RAB11FIP3: variants seen among roughly 807,000 people sequenced by gnomAD.
The protein encoded by RAB11FIP3 is rab11 family-interacting protein 3.
In RAB11FIP3, 17 loss-of-function variants were observed where a neutral mutation model predicts 77.8. The ratio of observed to expected loss-of-function variants is 0.22; its 90% CI spans 0.15 to 0.33. RAB11FIP3 has a LOEUF of 0.33. RAB11FIP3 is among the 10% of genes least tolerant of loss of function. The pLI is 1.00. For missense variants in RAB11FIP3, 1,005 were observed against 1,011.2 expected, an observed-to-expected ratio of 0.99 and a Z score of 0.08; for synonymous variants, 437 against 448.2, an observed-to-expected ratio of 0.98 and a Z score of 0.31.
At chr16:443,450 T>G (rs1335603109) in intron 1 of RAB11FIP3, among the ~76,000 whole-genome samples, 1 of 152,212 alleles carries the variant, frequency 6.6e-6, no homozygotes, top group African/African-American at 2.4e-5. Flanking sequence ...TTTCTTTGTA[T>G]AGGACAGTTA....
At chr16:503,964 GTACCCCCTCACCACCTCCT>G (rs2031673982) in intron 7 of RAB11FIP3, among the ~76,000 whole-genome samples, 1 of 29,848 alleles carries the variant, frequency 3.4e-5, no homozygotes, top group Non-Finnish European at 5.1e-5. Context: ...ATCTCCTCCT[GTACCCCCTCACCACCTCCT>G]GTACCCCCTC....
chr16:492,437 C>G (rs865941057), intron 5 of RAB11FIP3, among the ~76,000 whole-genome samples: 1 of 142,574 alleles, frequency 7.0e-6, no homozygotes, highest in Non-Finnish European at 1.6e-5. Flanking sequence ...CCGGGAGACC[C>G]GAGGCCGCCC....
intron 4 of RAB11FIP3, among the ~76,000 whole-genome samples, chr16:487,131 CTTT>C (rs34597208): frequency 2.2e-5 from 3 of 134,514 alleles, no homozygotes; most frequent in Admixed American, 7.5e-5. Flanking sequence ...GTTTTGGTTT[CTTT>C]TTTTTTTTTT....
At chr16:429,641 CG>C (rs1235901732) in intron 1 of RAB11FIP3, among the ~76,000 whole-genome samples, 1 of 151,786 alleles carries the variant, frequency 6.6e-6, no homozygotes, top group Non-Finnish European at 1.5e-5. Flanking sequence ...CTGGGATTAC[CG>C]GTGCCCGTCA....
intron 1 of RAB11FIP3, chr16:451,679 C>CA (rs1387417624): frequency 6.6e-6 from 1 of 151,752 alleles, no homozygotes; most frequent in African/African-American, 2.4e-5. Context: ...ACTAAAAATA[C>CA]AAAAAATTAG....
At chr16:492,563 G>A (rs146003578) in intron 5 of RAB11FIP3, among the ~76,000 whole-genome samples, 12 of 142,446 alleles carry the variant, frequency 8.4e-5, no homozygotes, top group East Asian at 4.0e-4. Flanking sequence ...CCAAAGATCC[G>A]CTAACCTCTG....
At chr16:494,399 G>T (rs1369352450) in intron 5 of RAB11FIP3, among the ~76,000 whole-genome samples, 1 of 151,624 alleles carries the variant, frequency 6.6e-6, no homozygotes, top group East Asian at 2.0e-4. Flanking sequence ...GAGGTGGGCA[G>T]ATCACGAGGT....
At chr16:442,509 C>T (rs1331095605) in intron 1 of RAB11FIP3, among the ~76,000 whole-genome samples, 1 of 152,192 alleles carries the variant, frequency 6.6e-6, no homozygotes, top group Admixed American at 6.5e-5. Flanking sequence ...TCTGGTCTTC[C>T]TCCCGCTCAG....
intron 1 of RAB11FIP3, among the ~76,000 whole-genome samples, chr16:448,228 A>G (rs1014693004): frequency 2.0e-5 from 3 of 150,918 alleles, no homozygotes; most frequent in African/African-American, 7.3e-5. Context: ...GAGGCAGGAG[A>G]ATCACTTGAA....
chr16:502,826 G>A (rs2031605976), intron 6 of RAB11FIP3, 178 bp from the exon 7 acceptor site: 4 of 611,216 alleles, frequency 6.5e-6, no homozygotes, highest in Non-Finnish European at 8.6e-6. Flanking sequence ...TCCAGCCTGG[G>A]ACCTCCCCCT....
In RAB11FIP3 at chr16:425,998, C is replaced by T. The variant is rs1260072456; in HGVS notation, c.-9C>T. The T allele has an allele frequency of 2.0e-6, 2 of 982,484 alleles. No individual in the cohort carries two copies. Among genetic ancestry groups the T allele is most frequent in the Non-Finnish European group, 1.2e-6 (1 of 827,522 alleles). 60.9% of individuals were successfully genotyped at this position (982,484 alleles called of 1,614,324 possible). On this transcript the variant is annotated 5_prime_UTR_variant, in exon 1 of 14. Coordinates refer to ENST00000262305, the MANE Select transcript of RAB11FIP3 (RefSeq NM_014700.4). Reference sequence around the variant, plus strand: ...CCGCGCCCTTCCGCACCACTAGCCTCTCGGGAGCATGGCGTCGGCCCCGCC... The same window carrying T: ...CCGCGCCCTTCCGCACCACTAGCCTTTCGGGAGCATGGCGTCGGCCCCGCC...
intron 4 of RAB11FIP3, 131 bp downstream of exon 4, chr16:482,867 G>A: frequency 1.0e-6 from 1 of 991,718 alleles, no homozygotes; most frequent in Non-Finnish European, 1.5e-6. Context: ...GTGGGGCTTG[G>A]CCCTGCAGTA....
intron 1 of RAB11FIP3, among the ~76,000 whole-genome samples, chr16:433,028 C>CTT (rs920883186): frequency 7.6e-4 from 31 of 40,864 alleles, no homozygotes; most frequent in Non-Finnish European, 1.0e-3. Context: ...CCATATTTAT[C>CTT]TTTTTTTTTT....
chr16:436,503 A>G (rs540126393), intron 1 of RAB11FIP3, among the ~76,000 whole-genome samples: 1 of 151,856 alleles, frequency 6.6e-6, no homozygotes, highest in South Asian at 2.1e-4. Context: ...TATTTTTGAG[A>G]CAGGGTTTGG....
chr16:519,689 C>A, intron 10 of RAB11FIP3, 65 bp from the exon 11 acceptor site: 1 of 1,568,782 alleles, frequency 6.4e-7, no homozygotes, highest in Admixed American at 1.8e-5. Context: ...GACAGACGGC[C>A]GGGGCAAGCT....
intron 2 of RAB11FIP3, among the ~76,000 whole-genome samples, chr16:468,384 T>C (rs1032638328): frequency 6.6e-6 from 1 of 151,726 alleles, no homozygotes; most frequent in African/African-American, 2.4e-5. Context: ...TGCTTTACTT[T>C]TGAGTAATTT....
rs980069344 is a variant in RAB11FIP3 at position 461,060 on chromosome 16, G to C, written c.715-344G>C. ...GCGGCCCGCAGCCTTCTTGGCACCA[G>C]GGATTGGTTTCATAGAAGACGCCTT... On this transcript the variant is annotated intron_variant, in intron 1 of 13. Coordinates refer to ENST00000262305, the MANE Select transcript of RAB11FIP3 (RefSeq NM_014700.4). This position sits in a 1 kb window ranked among gnomAD's most constrained non-coding sequence, Gnocchi z 4.5. Among the ~76,000 whole-genome samples the C allele has an allele frequency of 2.0e-5, 3 of 151,604 alleles. No individual in the cohort carries two copies. Among genetic ancestry groups the C allele is most frequent in the Admixed American group, 6.6e-5 (1 of 15,266 alleles).
In RAB11FIP3 at chr16:474,857, C is replaced by T. The variant is rs1015232498; in HGVS notation, c.903+3468C>T. ...AACACCAGCAGGAGGTTTATTAGAG[C>T]GTGTCTGGGAGCAGGTTAAACTTTC... On this transcript the variant is annotated intron_variant, in intron 3 of 13. Transcript: ENST00000262305. 35 of 1,448,474 alleles carry T rather than the reference C, an allele frequency of 2.4e-5. 1 individual carries two copies. The East Asian group carries it at 3.6e-4, about 15-fold the overall frequency. The allele number at this position is 1,448,474 out of a possible 1,614,324, so 89.7% of individuals were successfully genotyped here.
In RAB11FIP3 at chr16:522,955, G is replaced by A. The variant is rs2032758215; in HGVS notation, c.*2116G>A. The A allele has an allele frequency of 6.6e-6, 1 of 152,458 alleles. No homozygotes were observed. Among genetic ancestry groups the A allele is most frequent in the Admixed American group, 6.5e-5 (1 of 15,286 alleles). The allele number at this position is 152,458 out of a possible 1,614,324, so 9.4% of individuals were successfully genotyped here. On this transcript the variant is annotated 3_prime_UTR_variant, in exon 14 of 14. Transcript: ENST00000262305. ...GGATCGCTTGAACCCGGGAGTTCAA[G>A]ACCAGCCTGGGCAACATAGCAAGGC...
Sources: allele counts gnomAD v4.1 joint callset (sites outside exome capture counted in the v4.1 genomes callset), GRCh38; gene constraint gnomAD v4.1.1; non-coding constraint Gnocchi (gnomAD v3.1); transcripts MANE v1.5; gene names NCBI Gene and HGNC (gene_info 2026-07-23, HGNC 2026-07-21).